CSGALNACT1: variants seen among roughly 807,000 people sequenced by gnomAD.
CSGALNACT1 encodes chondroitin sulfate N-acetylgalactosaminyltransferase 1.
In CSGALNACT1, 52 loss-of-function variants were observed where a neutral mutation model predicts 51.0. The ratio of observed to expected loss-of-function variants is 1.02; its 90% CI spans 0.82 to 1.29. CSGALNACT1 has a LOEUF of 1.29. Ranked by LOEUF, CSGALNACT1 falls within the 50% of genes most tolerant of loss-of-function variation. The pLI is 0.00. For synonymous variants in CSGALNACT1, 341 were observed against 254.4 expected (o/e 1.34, Z -3.24); for missense variants, 935 against 679.2 (o/e 1.38, Z -4.19).
chr8:19,433,210 C>A (rs2059900356), intron 6 of CSGALNACT1, among the ~76,000 whole-genome samples: 1 of 152,180 alleles, frequency 6.6e-6, no homozygotes, highest in South Asian at 2.1e-4. Flanking sequence ...CAGTAAGTCT[C>A]TCTGATTTCG....
intron 3 of CSGALNACT1, among the ~76,000 whole-genome samples, chr8:19,557,957 A>G (rs1024446213): frequency 6.6e-6 from 1 of 152,206 alleles, no homozygotes; most frequent in Non-Finnish European, 1.5e-5. Context: ...ATCTAACAAA[A>G]GACATGTAAA....
At chr8:19,532,835 T>G (rs935061811) in intron 3 of CSGALNACT1, among the ~76,000 whole-genome samples, 2 of 152,154 alleles carry the variant, frequency 1.3e-5, no homozygotes, top group African/African-American at 4.8e-5. Context: ...CCAAAGGAAA[T>G]GTTTACACAT....
intron 1 of CSGALNACT1, among the ~76,000 whole-genome samples, chr8:19,650,681 T>C (rs1424718942): frequency 1.3e-5 from 2 of 152,126 alleles, no homozygotes; most frequent in African/African-American, 2.4e-5. Flanking sequence ...GCAGACAGTG[T>C]GTGTGAGACT....
At chr8:19,661,999 G>A (rs1279333953) in intron 1 of CSGALNACT1, among the ~76,000 whole-genome samples, 1 of 146,452 alleles carries the variant, frequency 6.8e-6, no homozygotes, top group African/African-American at 2.5e-5. Context: ...CCTGGGATAA[G>A]AGCTGAGGTA....
intron 2 of CSGALNACT1, among the ~76,000 whole-genome samples, chr8:19,593,793 T>A (rs1426667568): frequency 1.3e-5 from 2 of 152,198 alleles, no homozygotes; most frequent in Non-Finnish European, 2.9e-5. Flanking sequence ...CAAGCATCAC[T>A]TTTTGGGACT....
At chr8:19,604,016 G>A (rs2050985042), upstream of CSGALNACT1, among the ~76,000 whole-genome samples, 1 of 152,178 alleles carries the variant, frequency 6.6e-6, no homozygotes, top group African/African-American at 2.4e-5. Context: ...GCCACGGCAT[G>A]GCTCAGCTCC....
At chr8:19,446,012 T>C (rs1385723299) in intron 5 of CSGALNACT1, among the ~76,000 whole-genome samples, 1 of 152,042 alleles carries the variant, frequency 6.6e-6, no homozygotes, top group Admixed American at 6.6e-5. Context: ...CCATGTCTAT[T>C]AAAAATACAA....
intron 2 of CSGALNACT1, among the ~76,000 whole-genome samples, chr8:19,597,256 A>ATTGGG (rs2049113535): frequency 1.5e-5 from 2 of 132,796 alleles, no homozygotes; most frequent in African/African-American, 5.6e-5. Context: ...GTTAATGGAT[A>ATTGGG]TTGGGTTGGG....
intron 6 of CSGALNACT1, among the ~76,000 whole-genome samples, chr8:19,431,956 T>C (rs1041944235): frequency 6.6e-6 from 1 of 152,174 alleles, no homozygotes; most frequent in African/African-American, 2.4e-5. Flanking sequence ...CACAGATTTA[T>C]AATTTTTTTC....
At chr8:19,696,783 A>G (rs1259086901) in intron 1 of CSGALNACT1, among the ~76,000 whole-genome samples, 2 of 152,198 alleles carry the variant, frequency 1.3e-5, no homozygotes, top group Non-Finnish European at 2.9e-5. Flanking sequence ...GGGTCGGTAC[A>G]CAGGAACCAC....
intron 5 of CSGALNACT1, among the ~76,000 whole-genome samples, chr8:19,440,748 C>T (rs1031953990): frequency 2.6e-5 from 4 of 151,526 alleles, no homozygotes; most frequent in African/African-American, 7.3e-5. Flanking sequence ...AAATAAAGGG[C>T]ATTCAATTAG....
intron 4 of CSGALNACT1, among the ~76,000 whole-genome samples, chr8:19,501,469 G>T (rs1427198348): frequency 6.6e-6 from 1 of 152,112 alleles, no homozygotes; most frequent in South Asian, 2.1e-4. Context: ...TCACTTTTCT[G>T]TGGAACATAG....
chr8:19,553,620 C>CATACATATATATAT lies in CSGALNACT1; in HGVS notation c.-297+37539_-297+37540insATATATATATGTAT, dbSNP rs1386703624. ...AAAAATACATTTATGTATATAAATA[C>CATACATATATATAT]ATATATATATATATATATAAAAAAA... On this transcript the variant is annotated intron_variant, in intron 3 of 9. Transcript: ENST00000454498. 9.6e-4 allele frequency among the ~76,000 whole-genome samples: 69 copies of CATACATATATATAT among 71,556 alleles called. 2 individuals carry two copies. Among genetic ancestry groups the CATACATATATATAT allele is most frequent in the African/African-American group, 6.1e-3 (66 of 10,862 alleles). 46.9% of individuals were successfully genotyped at this position (71,556 alleles called of 152,430 possible).
At chr8:19,516,761 T>G (rs10097851) in intron 3 of CSGALNACT1, among the ~76,000 whole-genome samples, 3,808 of 152,302 alleles carry the variant, frequency 0.025, 143 homozygotes, top group African/African-American at 0.086. Flanking sequence ...TGTCACCCAT[T>G]ACTCCTTGGG....
chr8:19,589,869 T>G (rs1401388113), intron 3 of CSGALNACT1, among the ~76,000 whole-genome samples: 1 of 152,178 alleles, frequency 6.6e-6, no homozygotes, highest in Admixed American at 6.5e-5. Context: ...AATAGGCAGT[T>G]TGTGGAAAGA....
intron 3 of CSGALNACT1, among the ~76,000 whole-genome samples, chr8:19,549,229 C>A (rs894376941): frequency 3.3e-5 from 5 of 152,112 alleles, no homozygotes; most frequent in African/African-American, 1.2e-4. Context: ...CTCGAAAATC[C>A]AATCAATTTA....
chr8:19,449,669 A>G (rs1362710708), intron 5 of CSGALNACT1, among the ~76,000 whole-genome samples: 1 of 152,198 alleles, frequency 6.6e-6, no homozygotes, highest in Non-Finnish European at 1.5e-5. Flanking sequence ...CTGTATTAAA[A>G]TATCATAAAT....
chr8:19,755,214 C>T (rs986499111), intron 1 of CSGALNACT1, among the ~76,000 whole-genome samples: 1 of 151,956 alleles, frequency 6.6e-6, no homozygotes, highest in African/African-American at 2.4e-5. Flanking sequence ...TGGTAAGTAT[C>T]ATTCATCATC....
chr8:19,709,353 T>C (rs1213003913), intron 1 of CSGALNACT1, among the ~76,000 whole-genome samples: 6 of 152,212 alleles, frequency 3.9e-5, no homozygotes, highest in African/African-American at 1.4e-4. Context: ...AGGCCTGCCT[T>C]CAAGGGGCTT....
Sources: allele counts gnomAD v4.1 joint callset (sites outside exome capture counted in the v4.1 genomes callset), GRCh38; gene constraint gnomAD v4.1.1; transcripts MANE v1.5; gene names NCBI Gene and HGNC (gene_info 2026-07-23, HGNC 2026-07-21).